DLGAP1: variants seen among roughly 807,000 people sequenced by gnomAD.
The protein encoded by DLGAP1 is disks large-associated protein 1.
Under a neutral mutation model 90.8 loss-of-function variants are expected in DLGAP1, and 11 were observed. That is an observed-to-expected ratio of 0.12 (90% CI 0.08 to 0.20). The LOEUF (loss-of-function observed/expected upper bound fraction) is 0.20. DLGAP1 is among the 10% of genes least tolerant of loss of function. The pLI is 1.00. For synonymous variants in DLGAP1, 558 were observed against 540.7 expected, an observed-to-expected ratio of 1.03 and a Z score of -0.44; for missense variants, 1,050 against 1,333.8, an observed-to-expected ratio of 0.79 and a Z score of 3.31.
chr18:3,922,221 A>G (rs1422586065), intron 3 of DLGAP1, among the ~76,000 whole-genome samples: 1 of 152,214 alleles, frequency 6.6e-6, no homozygotes, highest in African/African-American at 2.4e-5. Flanking sequence ...GGTCCAAAAA[A>G]GCTTCGTTTT....
At chr18:4,348,223 CA>C (rs2081335986) in intron 1 of DLGAP1, among the ~76,000 whole-genome samples, 1 of 151,938 alleles carries the variant, frequency 6.6e-6, no homozygotes, top group Non-Finnish European at 1.5e-5. Flanking sequence ...GAAGATTAAG[CA>C]AATAATTAAA....
chr18:4,334,325 G>GT (rs776644080), intron 1 of DLGAP1, among the ~76,000 whole-genome samples: 2 of 149,314 alleles, frequency 1.3e-5, no homozygotes, highest in African/African-American at 2.6e-5. Context: ...TAAGTACTTT[G>GT]TTTTTTTTGT....
At chr18:3,667,781 G>C (rs549923691) in intron 7 of DLGAP1, among the ~76,000 whole-genome samples, 71 of 152,306 alleles carry the variant, frequency 4.7e-4, no homozygotes, top group African/African-American at 1.7e-3. Flanking sequence ...GGCTAGGCCA[G>C]AGCCGGAATG....
At chr18:4,023,525 T>C (rs1335611671) in intron 2 of DLGAP1, among the ~76,000 whole-genome samples, 2 of 152,182 alleles carry the variant, frequency 1.3e-5, no homozygotes, top group African/African-American at 4.8e-5. Flanking sequence ...ATGTTATTAT[T>C]AACTTTATTT....
chr18:3,656,950 A>G (rs369526938), intron 7 of DLGAP1, among the ~76,000 whole-genome samples: 20 of 152,070 alleles, frequency 1.3e-4, no homozygotes, highest in Middle Eastern at 3.4e-3. Flanking sequence ...GTTTCACTGT[A>G]TTAGTCAGGA....
chr18:4,231,616 C>T (rs904214071), intron 1 of DLGAP1, among the ~76,000 whole-genome samples: 3 of 152,018 alleles, frequency 2.0e-5, no homozygotes, highest in Non-Finnish European at 4.4e-5. Context: ...GTTTTCAGTT[C>T]TATTTTTTTT....
chr18:4,137,654 T>C (rs2076427942), intron 2 of DLGAP1, among the ~76,000 whole-genome samples: 1 of 152,190 alleles, frequency 6.6e-6, no homozygotes, highest in Non-Finnish European at 1.5e-5. Context: ...TTTCTTCTAT[T>C]TCTGTGAAGA....
At chr18:3,554,238 T>C (rs2053628747) in intron 9 of DLGAP1, among the ~76,000 whole-genome samples, 1 of 152,184 alleles carries the variant, frequency 6.6e-6, no homozygotes, top group Non-Finnish European at 1.5e-5. Flanking sequence ...ATGGGGCCAC[T>C]GGCGGAGGTG....
chr18:4,404,248 C>A (rs8086916), intron 1 of DLGAP1, among the ~76,000 whole-genome samples: 1 of 151,948 alleles, frequency 6.6e-6, no homozygotes. Context: ...ATTAATGAAT[C>A]AGAGCAAGTG....
intron 7 of DLGAP1, chr18:3,597,522 A>G (rs1461866882): frequency 1.3e-5 from 4 of 315,540 alleles, no homozygotes; most frequent in African/African-American, 2.3e-5. Flanking sequence ...ATCTAATGAG[A>G]GTCCGGTCAG....
At position 3,733,533 on chromosome 18, in the gene DLGAP1, T is replaced by G. The variant is rs1157371320; in HGVS notation, c.1351-4158A>C. On this transcript the variant is annotated intron_variant, in intron 6 of 12. Transcript: ENST00000315677. Reference sequence around the variant, plus strand: ...TTTTTTGGATATTGTGGGGTTTTTTTGTTTTGTTTTCACATCCCACCATGT... The same window carrying G: ...TTTTTTGGATATTGTGGGGTTTTTTGGTTTTGTTTTCACATCCCACCATGT... Among the ~76,000 whole-genome samples the G allele has an allele frequency of 5.9e-5, 9 of 152,222 alleles. No homozygotes were observed. The South Asian group carries it at 1.4e-3, about 24-fold the overall frequency.
At position 3,866,517 on chromosome 18, in the gene DLGAP1, G is replaced by A. The variant is rs772045326; in HGVS notation, c.957+12595C>T. ...AGAGAATTTAGATTTGAAACCTCCT[G>A]TTCTTGCGTCCATGTGAGTAGTGCT... On this transcript the variant is annotated intron_variant, in intron 4 of 12. Coordinates refer to ENST00000315677, the MANE Select transcript of DLGAP1 (RefSeq NM_004746.4). Among the ~76,000 whole-genome samples the A allele has an allele frequency of 2.6e-5, 4 of 152,168 alleles. No homozygotes were observed. In the East Asian group the frequency reaches 7.7e-4, roughly 29 times the overall value.
At chr18:4,432,429 CA>C (rs1225596897) in intron 1 of DLGAP1, among the ~76,000 whole-genome samples, 2 of 151,540 alleles carry the variant, frequency 1.3e-5, no homozygotes, top group African/African-American at 4.8e-5. Context: ...TTTTAAATTA[CA>C]AAAAAAACTG....
intron 2 of DLGAP1, among the ~76,000 whole-genome samples, chr18:4,146,079 A>C (rs2076581424): frequency 6.6e-6 from 1 of 152,200 alleles, no homozygotes; most frequent in African/African-American, 2.4e-5. Context: ...CCTAAATAAA[A>C]GTTTCTTACT....
At chr18:4,382,884 G>A (rs1184735598) in intron 1 of DLGAP1, among the ~76,000 whole-genome samples, 1 of 152,126 alleles carries the variant, frequency 6.6e-6, no homozygotes, top group Non-Finnish European at 1.5e-5. Flanking sequence ...ATTTGACCCT[G>A]CAGTTCAGCA....
At chr18:4,379,767 C>T (rs1053395310) in intron 1 of DLGAP1, among the ~76,000 whole-genome samples, 3 of 151,948 alleles carry the variant, frequency 2.0e-5, no homozygotes, top group African/African-American at 7.3e-5. Context: ...GTTGCTGAGC[C>T]CATGTTCCAA....
Position 4,194,166 on chromosome 18 carries a change from C to T in DLGAP1, c.-266-42879G>A, listed in dbSNP as rs532794432. On this transcript the variant is annotated intron_variant, in intron 1 of 12. Coordinates refer to ENST00000315677, the MANE Select transcript of DLGAP1 (RefSeq NM_004746.4). Reference sequence around the variant, plus strand: ...TTTTCAACTTTGCCCCATTCCCTTCCGCACCAGTAGACCACAGGGACTACT... The same window carrying T: ...TTTTCAACTTTGCCCCATTCCCTTCTGCACCAGTAGACCACAGGGACTACT... Among the ~76,000 whole-genome samples, 177 of 152,194 alleles carry T rather than the reference C, an allele frequency of 1.2e-3. 1 individual carries two copies. The highest frequency in any genetic ancestry group is 1.6e-3 in the Admixed American group (25 of 15,280).
At chr18:3,685,038 A>G (rs2060648851) in intron 7 of DLGAP1, among the ~76,000 whole-genome samples, 1 of 152,232 alleles carries the variant, frequency 6.6e-6, no homozygotes, top group Admixed American at 6.5e-5. Context: ...TTTCCCCTGT[A>G]AACATTTGGA....
chr18:4,445,193 T>C (rs951674470), intron 1 of DLGAP1, among the ~76,000 whole-genome samples: 1 of 152,174 alleles, frequency 6.6e-6, no homozygotes, highest in African/African-American at 2.4e-5. Flanking sequence ...ATCAGTTCCC[T>C]ATTCCAAATG....
Sources: gnomAD v4.1 joint callset for allele counts (sites outside exome capture counted in the v4.1 genomes callset) on GRCh38, gnomAD v4.1.1 for gene constraint, MANE v1.5 for transcripts, NCBI Gene and HGNC (gene_info 2026-07-23, HGNC 2026-07-21) for gene names.